Variants in KATNB1 observed in about 807,000 individuals in gnomAD.
The protein encoded by KATNB1 is katanin regulatory subunit B1, also known as katanin p80 WD40 repeat-containing subunit B1.
In KATNB1, 38 loss-of-function variants were observed where a neutral mutation model predicts 82.3. That is an observed-to-expected ratio of 0.46 (90% CI 0.36 to 0.61). The LOEUF is 0.61. Ranked by LOEUF, KATNB1 falls within the 20% of genes least tolerant of loss-of-function variation. The pLI is 0.00. For synonymous variants in KATNB1, 361 were observed against 368.7 expected, an observed-to-expected ratio of 0.98 and a Z score of 0.24; for missense variants, 749 against 915.7, an observed-to-expected ratio of 0.82 and a Z score of 2.35.
intron 1 of KATNB1, 114 bp from the exon 2 acceptor site, chr16:57,736,864 A>C (rs1414474435): frequency 2.1e-6 from 1 of 467,420 alleles, no homozygotes; most frequent in Non-Finnish European, 4.2e-6. Flanking sequence ...GCAGCTTCTG[A>C]CTCTGGTGGC....
rs61620199 is a variant in KATNB1 at position 57,741,625 on chromosome 16, C to T, written c.41-62C>T. On this transcript the variant is annotated intron_variant, in intron 2 of 19. Coordinates refer to ENST00000379661, the MANE Select transcript of KATNB1 (RefSeq NM_005886.3). ...AAAGCGGGTAGCCGAGCAGGGTCAC[C>T]CCTCCTTCACAAGGCCCCATCGGGC... is the stretch of plus-strand genomic sequence containing the variant. 0.1 allele frequency: 159,432 copies of T among 1,553,432 alleles called. 9,605 individuals are homozygous for T. The highest frequency in any genetic ancestry group is 0.25 in the African/African-American group (18,114 of 73,722).
intron 4 of KATNB1, among the ~76,000 whole-genome samples, chr16:57,747,036 C>A (rs1179541015): frequency 6.6e-6 from 1 of 150,970 alleles, no homozygotes. Flanking sequence ...CACGGACCAC[C>A]ATGTCCCGCT....
chr16:57,751,353 T>C lies in KATNB1; in HGVS notation c.432+51T>C. ...CCATGAGCACCTTGCGGGCATTGAG[T>C]GTGGTGTGGTGCCCAGACCCCAGCA... On this transcript the variant is annotated intron_variant, in intron 6 of 19. Transcript: ENST00000379661. The surrounding 1 kb of genome is among the most constrained non-coding windows in gnomAD (Gnocchi z 6.3). The C allele has an allele frequency of 6.4e-7, 1 of 1,555,654 alleles. No individual in the cohort carries two copies. The highest frequency in any genetic ancestry group is 8.9e-7 in the Non-Finnish European group (1 of 1,127,100).
At chr16:57,744,076 T>A (rs1270446290) in intron 3 of KATNB1, among the ~76,000 whole-genome samples, 2 of 152,214 alleles carry the variant, frequency 1.3e-5, no homozygotes, top group African/African-American at 4.8e-5. Flanking sequence ...ACAGCATCCC[T>A]TTATCTTGTC....
At chr16:57,741,296 TAGAA>T (rs1255155216) in intron 2 of KATNB1, among the ~76,000 whole-genome samples, 2 of 152,228 alleles carry the variant, frequency 1.3e-5, no homozygotes, top group African/African-American at 2.4e-5. Context: ...TTTTGTATCA[TAGAA>T]AGAGTATCAT....
At position 57,755,333 on chromosome 16, in the gene KATNB1, C is replaced by T. The variant is rs904693898; in HGVS notation, c.1417-12C>T. 4 of 1,612,622 alleles carry T rather than the reference C, an allele frequency of 2.5e-6. No individual in the cohort carries two copies. In the African/African-American group the frequency reaches 5.3e-5, roughly 22 times the overall value. ...CCTCCCATGCCAGCATCTGGGTGTCCATCCCACGCAGGCCGTGAAGATCCC... is the reference window on the plus strand; with the variant it reads ...CCTCCCATGCCAGCATCTGGGTGTCTATCCCACGCAGGCCGTGAAGATCCC... On this transcript the variant is annotated splice_polypyrimidine_tract_variant and intron_variant, in intron 15 of 19. Coordinates refer to ENST00000379661, the MANE Select transcript of KATNB1 (RefSeq NM_005886.3).
At position 57,754,944 on chromosome 16, in the gene KATNB1, A is replaced by C. The variant is rs2049263364; in HGVS notation, c.1243A>C (p.Lys415Gln). Residue 415 changes from lysine to glutamine, a missense_variant, in exon 14 of 20, where the codon AAG (lysine) becomes CAG (glutamine). Coordinates refer to ENST00000379661, the MANE Select transcript of KATNB1 (RefSeq NM_005886.3). ...TTTGCCTCCAGACGCAGCCACAGCA[A>C]AGGAGGCAGCAAAGCCCAGCCCTGC... The part of the protein sequence containing the change: ...APPEDDAATA[K>Q]EAAKPSPAMD... 1 of 1,613,952 alleles carries C rather than the reference A, an allele frequency of 6.2e-7. No individual in the cohort carries two copies. Among genetic ancestry groups the C allele is most frequent in the African/African-American group, 1.3e-5 (1 of 74,938 alleles).
Position 57,756,655 on chromosome 16 carries a change from C to T in KATNB1, c.1836-159C>T. On this transcript the variant is annotated intron_variant, in intron 19 of 19. Coordinates refer to ENST00000379661, the MANE Select transcript of KATNB1 (RefSeq NM_005886.3). Reference sequence around the variant, plus strand: ...AGAGCTGGGTTCCTCCATGGCCTGGCTGTGCCCACAATCCCTGGCAGGGCC... The same window carrying T: ...AGAGCTGGGTTCCTCCATGGCCTGGTTGTGCCCACAATCCCTGGCAGGGCC... The T allele has an allele frequency of 2.3e-6, 3 of 1,306,540 alleles. No homozygotes were observed. The South Asian group carries it at 4.6e-5, about 20-fold the overall frequency. The allele number at this position is 1,306,540 out of a possible 1,614,324, so 80.9% of individuals were successfully genotyped here. A position where few individuals can be genotyped will look rare whatever the true frequency, so the allele number is the denominator to read the frequency against.
At chr16:57,741,344 C>T (rs2049140252) in intron 2 of KATNB1, among the ~76,000 whole-genome samples, 1 of 152,172 alleles carries the variant, frequency 6.6e-6, no homozygotes, top group African/African-American at 2.4e-5. Flanking sequence ...ATGGACATTG[C>T]TTAAGCCCAA....
At chr16:57,749,387 C>T (rs1307210915) in intron 4 of KATNB1, among the ~76,000 whole-genome samples, 1 of 152,212 alleles carries the variant, frequency 6.6e-6, no homozygotes, top group Non-Finnish European at 1.5e-5. Flanking sequence ...CCAGTATTGT[C>T]TGATGCCAGA....
intron 4 of KATNB1, among the ~76,000 whole-genome samples, chr16:57,749,378 C>T (rs116622140): frequency 3.1e-4 from 47 of 152,234 alleles, no homozygotes; most frequent in African/African-American, 1.1e-3. Flanking sequence ...AGGCTGATCC[C>T]AGTATTGTCT....
rs142661420 is a variant in KATNB1, at chr16:57,756,893, C to T, written c.1915C>T (p.Arg639Cys). ...LVKSKSGLSG[R>C]HGSTFRELHL... Reference sequence around the variant, plus strand: ...CAAGAGCAAGTCAGGCCTGAGCGGCCGCCATGGCAGTACCTTCCGCGAGCT... The same window carrying T: ...CAAGAGCAAGTCAGGCCTGAGCGGCTGCCATGGCAGTACCTTCCGCGAGCT... The change falls in exon 20 of 20, where the codon CGC becomes TGC. Residue 639 changes from arginine (R) to cysteine (C), a missense_variant. Transcript: ENST00000379661. 319 of 1,554,112 alleles carry T rather than the reference C, an allele frequency of 2.1e-4. No homozygotes were observed. Among genetic ancestry groups the T allele is most frequent in the Non-Finnish European group, 2.6e-4 (302 of 1,148,638 alleles).
Position 57,751,044 on chromosome 16 carries a change from C to A in KATNB1, c.390+117C>A. The A allele has an allele frequency of 1.1e-6, 1 of 905,600 alleles. No homozygotes were observed. Among genetic ancestry groups the A allele is most frequent in the Non-Finnish European group, 1.8e-6 (1 of 557,376 alleles). 56.1% of individuals were successfully genotyped at this position (905,600 alleles called of 1,614,324 possible). A position where few individuals can be genotyped will look rare whatever the true frequency, so the allele number is the denominator to read the frequency against. The stretch of plus-strand genomic sequence containing the variant: ...ACCTCTTCCCTTTCTGCAGCCACAT[C>A]CACACCATCCTAGGGAAAGCGGGTG... On this transcript the variant is annotated intron_variant, in intron 5 of 19. Transcript: ENST00000379661. The surrounding 1 kb of genome is among the most constrained non-coding windows in gnomAD (Gnocchi z 6.3).
At chr16:57,737,914 G>A (rs1202769641) in intron 2 of KATNB1, among the ~76,000 whole-genome samples, 2 of 152,210 alleles carry the variant, frequency 1.3e-5, no homozygotes, top group African/African-American at 2.4e-5. Context: ...CACGTTAGAA[G>A]TTAATACTGA....
chr16:57,736,328 G>T (rs2049099177), intron 1 of KATNB1, among the ~76,000 whole-genome samples: 2 of 152,152 alleles, frequency 1.3e-5, no homozygotes, highest in Admixed American at 1.3e-4. Context: ...CCAGGAGAAA[G>T]GGGACGGAGG....
intron 1 of KATNB1, 97 bp downstream of exon 1, chr16:57,735,952 G>C (rs2049096566): frequency 6.6e-6 from 1 of 152,354 alleles, no homozygotes. Flanking sequence ...AGAGAGCTCT[G>C]AGCGTGGGGA....
chr16:57,747,960 C>T (rs1480337566), intron 4 of KATNB1, among the ~76,000 whole-genome samples: 3 of 152,270 alleles, frequency 2.0e-5, no homozygotes, highest in Admixed American at 1.3e-4. Flanking sequence ...GAACTCATTA[C>T]GAACTCACGG....
chr16:57,745,794 CT>C (rs57950639), intron 4 of KATNB1, among the ~76,000 whole-genome samples: 23,211 of 147,330 alleles, frequency 0.16, 2,348 homozygotes, highest in African/African-American at 0.29. Flanking sequence ...ATAATAGTTC[CT>C]TTTTTTTTTT....
chr16:57,754,000 G>A lies in KATNB1; in HGVS notation c.1228+5G>A. 6.2e-7 allele frequency: 1 copy of A among 1,613,394 alleles called. No homozygotes were observed. Among genetic ancestry groups the A allele is most frequent in the African/African-American group, 1.3e-5 (1 of 74,988 alleles). On this transcript the variant is annotated splice_donor_5th_base_variant and intron_variant, in intron 13 of 19. Transcript: ENST00000379661. Reference sequence around the variant, plus strand: ...TCCCTGCACCCCCAGAGGACGGTGAGTTGGGTGAGCCTGGTTTCCCAAGGT... The same window carrying A: ...TCCCTGCACCCCCAGAGGACGGTGAATTGGGTGAGCCTGGTTTCCCAAGGT...
Sources: allele counts gnomAD v4.1 joint callset (sites outside exome capture counted in the v4.1 genomes callset), GRCh38; gene constraint gnomAD v4.1.1; non-coding constraint Gnocchi (gnomAD v3.1); transcripts MANE v1.5; gene names NCBI Gene and HGNC (gene_info 2026-07-23, HGNC 2026-07-21).